The following APBA1 variants were observed in gnomAD, a reference collection of about 807,000 sequenced individuals.
APBA1 encodes amyloid-beta A4 precursor protein-binding family A member 1.
Under a neutral mutation model 86.6 loss-of-function variants are expected in APBA1, and 55 were observed. That is an observed-to-expected ratio of 0.64 (90% confidence interval 0.51 to 0.80). APBA1 has a LOEUF of 0.80. APBA1 is among the 30% of genes least tolerant of loss of function. The pLI is 0.00. For synonymous variants in APBA1, 511 were observed against 493.9 expected (o/e 1.03, Z -0.46); for missense variants, 1,090 against 1,183.0 (o/e 0.92, Z 1.15).
Position 69,517,002 on chromosome 9 carries a change from T to G in APBA1, c.209A>C (p.Glu70Ala), listed in dbSNP as rs1361202301. ...TGAGCGCGCCAGGCATTCCCCGCGCTCCTCTTCCTCCTGGCCGAGCTGGGC... is the reference window on the plus strand; with the variant it reads ...TGAGCGCGCCAGGCATTCCCCGCGCGCCTCTTCCTCCTGGCCGAGCTGGGC... ...LRAQLGQEEEERGECLARSAS... is the reference protein window; with the variant it reads ...LRAQLGQEEEARGECLARSAS... Residue 70 changes from glutamate to alanine, a missense_variant, in exon 2 of 13, where the codon GAG becomes GCG. Physicochemically the swap from Glu to Ala is moderately radical, Grantham distance 107. Transcript: ENST00000265381. 1 of 1,579,066 alleles carries G rather than the reference T, an allele frequency of 6.3e-7. No individual in the cohort carries two copies. Among genetic ancestry groups the G allele is most frequent in the Non-Finnish European group, 8.6e-7 (1 of 1,169,398 alleles).
At chr9:69,575,500 A>G (rs980999190) in intron 1 of APBA1, among the ~76,000 whole-genome samples, 3 of 152,202 alleles carry the variant, frequency 2.0e-5, no homozygotes, top group Non-Finnish European at 4.4e-5. Flanking sequence ...TACTGGTACC[A>G]AAACAGAGAT....
At chr9:69,468,038 T>C in intron 4 of APBA1, 70 bp from the exon 5 acceptor site, 1 of 1,560,784 alleles carries the variant, frequency 6.4e-7, no homozygotes, top group South Asian at 1.2e-5. Flanking sequence ...CAATGGCACA[T>C]CTCCCCTCTC....
intron 1 of APBA1, among the ~76,000 whole-genome samples, chr9:69,565,911 G>A (rs1197700089): frequency 2.6e-5 from 4 of 152,214 alleles, no homozygotes; most frequent in South Asian, 2.1e-4. Context: ...ACGCTTTGAT[G>A]GCGTCTACGG....
At chr9:69,608,864 T>C (rs1430495367) in intron 1 of APBA1, among the ~76,000 whole-genome samples, 1 of 152,236 alleles carries the variant, frequency 6.6e-6, no homozygotes, top group African/African-American at 2.4e-5. Flanking sequence ...TGTGGCTTTT[T>C]TCCACCCTGT....
At chr9:69,475,962 T>C (rs1477575228) in intron 3 of APBA1, 86 bp downstream of exon 3, 17 of 1,071,458 alleles carry the variant, frequency 1.6e-5, no homozygotes, top group East Asian at 9.6e-5. Context: ...TCAGGAGCGC[T>C]GTAGGATGCT....
chr9:69,489,211 C>A (rs957410031), intron 2 of APBA1, among the ~76,000 whole-genome samples: 1 of 152,098 alleles, frequency 6.6e-6, no homozygotes, highest in African/African-American at 2.4e-5. Flanking sequence ...AGGCATCACA[C>A]TACCTGAATT....
In APBA1 at chr9:69,569,456, T is replaced by A. The variant is rs1220849177; in HGVS notation, c.-69-52177A>T. 2.7e-3 allele frequency among the ~76,000 whole-genome samples: 278 copies of A among 104,172 alleles called. 1 individual carries two copies. The highest frequency in any genetic ancestry group is 7.4e-3 in the South Asian group (27 of 3,652). 68.3% of individuals were successfully genotyped at this position (104,172 alleles called of 152,430 possible). On this transcript the variant is annotated intron_variant, in intron 1 of 12. Coordinates refer to ENST00000265381, the MANE Select transcript of APBA1 (RefSeq NM_001163.4). Reference sequence around the variant, plus strand: ...TTTGGTTGTCACGTGTGAGTGTGTGTGTGTGTGTGTGTGTGTGTGTGTGTG... The same window carrying A: ...TTTGGTTGTCACGTGTGAGTGTGTGAGTGTGTGTGTGTGTGTGTGTGTGTG...
At chr9:69,549,276 T>A (rs1836747414) in intron 1 of APBA1, among the ~76,000 whole-genome samples, 1 of 152,142 alleles carries the variant, frequency 6.6e-6, no homozygotes, top group Non-Finnish European at 1.5e-5. Context: ...CCCTGCTAGA[T>A]GTGGGTTTTG....
chr9:69,607,021 C>T (rs1822489949), intron 1 of APBA1, among the ~76,000 whole-genome samples: 3 of 152,116 alleles, frequency 2.0e-5, no homozygotes, highest in Admixed American at 1.3e-4. Flanking sequence ...TTTAAAGAAA[C>T]CCCCATAATT....
intron 1 of APBA1, among the ~76,000 whole-genome samples, chr9:69,597,377 A>T (rs1174401059): frequency 6.6e-6 from 1 of 151,726 alleles, no homozygotes; most frequent in East Asian, 1.9e-4. Flanking sequence ...TTTTCTTGTA[A>T]ATTTGTTTGA....
chr9:69,623,891 T>TTGTAATACCTCTCTTATCTTGC (rs1822876869), intron 1 of APBA1, among the ~76,000 whole-genome samples: 1 of 152,222 alleles, frequency 6.6e-6, no homozygotes, highest in Non-Finnish European at 1.5e-5. Context: ...CCTTTGTGTG[T>TTGTAATACCTCTCTTATCTTGC]TGTAATACCT....
At chr9:69,544,060 G>A (rs1836659498) in intron 1 of APBA1, among the ~76,000 whole-genome samples, 2 of 152,124 alleles carry the variant, frequency 1.3e-5, no homozygotes, top group Admixed American at 6.5e-5. Context: ...TGGAGTGCTC[G>A]TATCAAGAAA....
At chr9:69,623,362 T>A (rs1449699472) in intron 1 of APBA1, among the ~76,000 whole-genome samples, 1 of 152,078 alleles carries the variant, frequency 6.6e-6, no homozygotes, top group African/African-American at 2.4e-5. Context: ...TTTTTTCTTT[T>A]TTTTTTTAAA....
At chr9:69,518,311 C>G (rs1836200198) in intron 1 of APBA1, among the ~76,000 whole-genome samples, 1 of 152,066 alleles carries the variant, frequency 6.6e-6, no homozygotes, top group Non-Finnish European at 1.5e-5. Context: ...ATTTTTATAT[C>G]CACTGGGGTC....
chr9:69,521,762 C>T (rs1040560929), intron 1 of APBA1, among the ~76,000 whole-genome samples: 28 of 151,938 alleles, frequency 1.8e-4, no homozygotes, highest in Non-Finnish European at 1.5e-5. Context: ...AGGGCAAGGG[C>T]TTTGAGGTGA....
intron 1 of APBA1, among the ~76,000 whole-genome samples, chr9:69,555,007 G>A (rs1034968313): frequency 1.3e-5 from 2 of 152,118 alleles, no homozygotes; most frequent in African/African-American, 2.4e-5. Flanking sequence ...TGATTCCTAC[G>A]TCCCGCACGT....
intron 1 of APBA1, among the ~76,000 whole-genome samples, chr9:69,658,567 T>TG (rs1448371778): frequency 7.6e-5 from 4 of 52,746 alleles, no homozygotes; most frequent in Non-Finnish European, 2.1e-4. Flanking sequence ...CATGCCCAGC[T>TG]AATTTTTTTT....
At chr9:69,631,368 A>G (rs1344201953) in intron 1 of APBA1, among the ~76,000 whole-genome samples, 3 of 152,184 alleles carry the variant, frequency 2.0e-5, no homozygotes, top group Non-Finnish European at 4.4e-5. Context: ...ACCATCTCAC[A>G]CCAGTTAGAA....
At chr9:69,603,704 CAA>C (rs1291945553) in intron 1 of APBA1, among the ~76,000 whole-genome samples, 1 of 152,172 alleles carries the variant, frequency 6.6e-6, no homozygotes, top group Admixed American at 6.5e-5. Context: ...GCCATAAGGC[CAA>C]AGTGTTTTGG....
Sources: gnomAD v4.1 joint callset for allele counts (sites outside exome capture counted in the v4.1 genomes callset) on GRCh38, gnomAD v4.1.1 for gene constraint, MANE v1.5 for transcripts, NCBI Gene and HGNC (gene_info 2026-07-23, HGNC 2026-07-21) for gene names.